Variants in SPTBN1 observed in about 807,000 individuals in gnomAD.
SPTBN1 encodes the protein spectrin beta, non-erythrocytic 1, also known as spectrin beta chain, non-erythrocytic 1.
A neutral mutation model predicts 266.4 loss-of-function variants in SPTBN1; 32 were observed. The observed-to-expected ratio is 0.12, with a 90% CI of 0.09 to 0.16. SPTBN1 has a LOEUF of 0.16. Among genes scored for constraint, SPTBN1 ranks in the 10% least tolerant of loss-of-function variants. The pLI, the probability that SPTBN1 is intolerant of heterozygous loss-of-function variation, is 1.00. For missense variants in SPTBN1, 2,296 were observed against 3,067.1 expected, an observed-to-expected ratio of 0.75 and a Z score of 5.94; for synonymous variants, 1,336 against 1,162.2, an observed-to-expected ratio of 1.15 and a Z score of -3.04.
At chr2:54,622,520 T>C (rs548351253) in intron 9 of SPTBN1, 33 bp downstream of exon 9, 19 of 1,603,930 alleles carry the variant, frequency 1.2e-5, no homozygotes, top group Non-Finnish European at 1.5e-5. Flanking sequence ...ATCATTAATA[T>C]GGAAAGACAC....
chr2:54,628,244 G>A lies in SPTBN1; in HGVS notation c.1792G>A (p.Gly598Arg), dbSNP rs765805170. 22 of 1,612,054 alleles carry A rather than the reference G, an allele frequency of 1.4e-5. No homozygotes were observed. The highest frequency in any genetic ancestry group is 1.3e-4 in the Admixed American group (8 of 59,690). ...NASAQKFATD[G>R]EGYKPCDPQV... ...CTCCGCCCAGAAGTTCGCAACAGAC[G>A]GGGAAGGTAAGGATGGCCCATTCCA... is the stretch of plus-strand genomic sequence containing the variant. The change falls in exon 13 of 36, where the codon GGG becomes AGG. Residue 598 changes from glycine (G) to arginine (R), a missense_variant. By Grantham distance (125) the Gly-to-Arg change is moderately radical. Coordinates refer to ENST00000356805, the MANE Select transcript of SPTBN1 (RefSeq NM_003128.3). This position sits in a 1 kb window ranked among gnomAD's most constrained non-coding sequence, Gnocchi z 4.3.
intron 1 of SPTBN1, among the ~76,000 whole-genome samples, chr2:54,518,036 CATT>C (rs914393498): frequency 1.3e-5 from 2 of 151,546 alleles, no homozygotes; most frequent in African/African-American, 4.9e-5. Flanking sequence ...TAATAATAGA[CATT>C]ATATGCTTGT....
chr2:54,622,171 A>C, intron 8 of SPTBN1, 129 bp from the exon 9 acceptor site: 2 of 891,798 alleles, frequency 2.2e-6, no homozygotes, highest in Non-Finnish European at 3.4e-6. Flanking sequence ...GTACAGCTGA[A>C]CTGTTTCAGA....
In SPTBN1 at chr2:54,626,845, T is replaced by C. The variant is rs1678373488; in HGVS notation, c.1644+611T>C. Among the ~76,000 whole-genome samples the C allele has an allele frequency of 6.6e-6, 1 of 152,214 alleles. No individual in the cohort carries two copies. ...GATGGCAGTGGCTGGTCATGCCATT[T>C]ATTGACTGCTCTTAGCATAGAGTTC... On this transcript the variant is annotated intron_variant, in intron 12 of 35. Coordinates refer to ENST00000356805, the MANE Select transcript of SPTBN1 (RefSeq NM_003128.3). This position sits in a 1 kb window ranked among gnomAD's most constrained non-coding sequence, Gnocchi z 4.7.
intron 1 of SPTBN1, among the ~76,000 whole-genome samples, chr2:54,503,071 C>G (rs891213684): frequency 2.6e-5 from 4 of 152,208 alleles, no homozygotes; most frequent in African/African-American, 7.2e-5. Context: ...CATTCTTAGC[C>G]TTCAGTTTGG....
intron 1 of SPTBN1, among the ~76,000 whole-genome samples, chr2:54,496,751 T>C (rs1343261633): frequency 1.3e-5 from 2 of 152,214 alleles, no homozygotes; most frequent in Admixed American, 1.3e-4. Context: ...AGAAACTTAA[T>C]ACTTGACGCT....
intron 1 of SPTBN1, among the ~76,000 whole-genome samples, chr2:54,501,515 A>G (rs1416542025): frequency 6.6e-6 from 1 of 152,214 alleles, no homozygotes; most frequent in African/African-American, 2.4e-5. Flanking sequence ...TGCTGTGTAT[A>G]TCCATTAAGG....
At chr2:54,507,517 G>A (rs1035187341) in intron 1 of SPTBN1, among the ~76,000 whole-genome samples, 5 of 152,220 alleles carry the variant, frequency 3.3e-5, no homozygotes, top group African/African-American at 4.8e-5. Context: ...AACATTTGTC[G>A]TATAGAATGA....
At chr2:54,486,768 C>T (rs1668418991) in intron 1 of SPTBN1, among the ~76,000 whole-genome samples, 1 of 149,560 alleles carries the variant, frequency 6.7e-6, no homozygotes, top group Non-Finnish European at 1.5e-5. Flanking sequence ...AAGTTCTAAC[C>T]ATAGAAGAAG....
In SPTBN1 at chr2:54,631,446, C is replaced by G. The variant is rs1402700065; in HGVS notation, c.3399C>G (p.Thr1133=). ...DMGEMVTQGQ[T]DAQYMFLRQR... ...GCGAGATGGTCACCCAGGGGCAGACCGATGCCCAGTACATGTTTCTGCGGC... is the reference window on the plus strand; with the variant it reads ...GCGAGATGGTCACCCAGGGGCAGACGGATGCCCAGTACATGTTTCTGCGGC... The change falls in exon 16 of 36, where the codon ACC becomes ACG. Residue 1133 remains threonine, a synonymous_variant. Transcript: ENST00000356805. 1.9e-6 allele frequency: 3 copies of G among 1,614,118 alleles called. No individual in the cohort carries two copies. The highest frequency in any genetic ancestry group is 2.5e-6 in the Non-Finnish European group (3 of 1,180,056).
intron 4 of SPTBN1, among the ~76,000 whole-genome samples, chr2:54,613,979 C>T (rs1416678760): frequency 2.6e-5 from 4 of 152,210 alleles, no homozygotes; most frequent in Non-Finnish European, 5.9e-5. Context: ...GGAGCTGGCA[C>T]ACACAGCCCT....
intron 17 of SPTBN1, among the ~76,000 whole-genome samples, chr2:54,637,030 A>C (rs1679195019): frequency 1.3e-5 from 2 of 152,204 alleles, no homozygotes; most frequent in Admixed American, 1.3e-4. Context: ...TTCACAGCAG[A>C]TGGGGAAGGA....
chr2:54,595,032 C>T (rs1180376384), intron 2 of SPTBN1, among the ~76,000 whole-genome samples: 1 of 151,994 alleles, frequency 6.6e-6, no homozygotes, highest in Non-Finnish European at 1.5e-5. Context: ...CAGAGTTTCA[C>T]CATGTTGGTC....
chr2:54,591,904 G>T (rs1164159890), intron 2 of SPTBN1, among the ~76,000 whole-genome samples: 1 of 152,122 alleles, frequency 6.6e-6, no homozygotes, highest in East Asian at 1.9e-4. Context: ...GGGTGCAGTG[G>T]CCCACACCTG....
At chr2:54,634,944 C>T (rs905516179) in intron 17 of SPTBN1, among the ~76,000 whole-genome samples, 2 of 152,154 alleles carry the variant, frequency 1.3e-5, no homozygotes, top group African/African-American at 4.8e-5. Flanking sequence ...AGGGAAATTC[C>T]AGCCACAGCA....
intron 1 of SPTBN1, among the ~76,000 whole-genome samples, chr2:54,488,406 T>C (rs973895779): frequency 4.6e-5 from 7 of 152,224 alleles, no homozygotes; most frequent in African/African-American, 1.7e-4. Context: ...TGCCGTGATG[T>C]CTGACTCATA....
intron 3 of SPTBN1, among the ~76,000 whole-genome samples, chr2:54,611,399 G>C (rs180884845): frequency 1.3e-5 from 2 of 152,094 alleles, no homozygotes; most frequent in Non-Finnish European, 2.9e-5. Flanking sequence ...TTTTACAGGA[G>C]ACGTATATAT....
chr2:54,469,936 C>G (rs147308636), intron 1 of SPTBN1, among the ~76,000 whole-genome samples: 4 of 152,114 alleles, frequency 2.6e-5, no homozygotes, highest in South Asian at 2.1e-4. Flanking sequence ...CCTGCCATTT[C>G]GGAAGGAAAG....
intron 2 of SPTBN1, among the ~76,000 whole-genome samples, chr2:54,531,590 T>C (rs1168969253): frequency 6.6e-6 from 1 of 151,008 alleles, no homozygotes; most frequent in Non-Finnish European, 1.5e-5. Flanking sequence ...AGCCTGGCTA[T>C]ATCGGTTTTT....
Sources: allele counts gnomAD v4.1 joint callset (sites outside exome capture counted in the v4.1 genomes callset), GRCh38; gene constraint gnomAD v4.1.1; non-coding constraint Gnocchi (gnomAD v3.1); transcripts MANE v1.5; gene names NCBI Gene and HGNC (gene_info 2026-07-23, HGNC 2026-07-21).